Variants in DACH2 observed in about 807,000 individuals in gnomAD.
DACH2 encodes the protein dachshund homolog 2.
A neutral mutation model predicts 35.8 loss-of-function variants in DACH2; 17 were observed. The ratio of observed to expected loss-of-function variants is 0.48; its 90% CI spans 0.33 to 0.71. The LOEUF (loss-of-function observed/expected upper bound fraction) is 0.71. Ranked by LOEUF, DACH2 falls within the 30% of genes least tolerant of loss-of-function variation. DACH2 has a pLI of 0.02. For missense variants in DACH2, 469 were observed against 472.7 expected (o/e 0.99, Z 0.07); for synonymous variants, 195 against 177.3 (o/e 1.10, Z -0.79).
At chrX:86,191,254 A>G (rs1014206421) in intron 1 of DACH2, among the ~76,000 whole-genome samples, 9 of 112,129 alleles carry the variant, frequency 8.0e-5, no homozygotes, top group African/African-American at 2.9e-4. Flanking sequence ...TGGACTGGAT[A>G]AAGAAAATGT....
Position 86,610,754 on chromosome X carries a change from G to T in DACH2, c.641-40282G>T, listed in dbSNP as rs183263715. Among the ~76,000 whole-genome samples the T allele has an allele frequency of 1.5e-3, 168 of 110,378 alleles. 4 individuals carry two copies. In the South Asian group the frequency reaches 0.06, roughly 39 times the overall value. Reference sequence around the variant, plus strand: ...GAGCCACCATGCCTAGTCGCCAAGGGTTCTTAAGTTAGTTTTGGTGAATAA... The same window carrying T: ...GAGCCACCATGCCTAGTCGCCAAGGTTTCTTAAGTTAGTTTTGGTGAATAA... On this transcript the variant is annotated intron_variant, in intron 3 of 11. Coordinates refer to ENST00000373125, the MANE Select transcript of DACH2 (RefSeq NM_053281.3).
chrX:86,209,423 A>G (rs1183404043), intron 1 of DACH2, among the ~76,000 whole-genome samples: 2 of 111,734 alleles, frequency 1.8e-5, no homozygotes, highest in African/African-American at 3.2e-5. Context: ...AGAGCAATGA[A>G]TCAAACTGTA....
chrX:86,411,036 A>ATATATATATATATATATATGTATG (rs768655432), intron 2 of DACH2, among the ~76,000 whole-genome samples: 3 of 79,948 alleles, frequency 3.8e-5, no homozygotes, highest in South Asian at 6.7e-4. Flanking sequence ...ATATATATAT[A>ATATATATATATATATATATGTATG]TATGTATATA....
intron 1 of DACH2, among the ~76,000 whole-genome samples, chrX:86,277,424 G>A (rs2033937735): frequency 9.0e-6 from 1 of 111,325 alleles, no homozygotes; most frequent in South Asian, 3.7e-4. Context: ...AAATAAATGT[G>A]GTTATGTTAT....
chrX:86,459,669 C>G (rs969992723), intron 2 of DACH2, among the ~76,000 whole-genome samples: 1 of 111,296 alleles, frequency 9.0e-6, no homozygotes, highest in Admixed American at 9.6e-5. Context: ...AGGCCTGTAA[C>G]TTTTCAGTTT....
At chrX:86,436,163 C>A (rs768873803) in intron 2 of DACH2, among the ~76,000 whole-genome samples, 8 of 110,420 alleles carry the variant, frequency 7.2e-5, no homozygotes, top group Non-Finnish European at 1.5e-4. Context: ...AGGACTATAC[C>A]ATAAATCCTG....
chrX:86,485,514 G>C (rs2038005977), intron 2 of DACH2, among the ~76,000 whole-genome samples: 1 of 111,173 alleles, frequency 9.0e-6, no homozygotes, highest in African/African-American at 3.3e-5. Flanking sequence ...AAAATACCTA[G>C]ATATTCTCAT....
chrX:86,487,462 G>T (rs748052538), intron 2 of DACH2, among the ~76,000 whole-genome samples: 40 of 111,624 alleles, frequency 3.6e-4, no homozygotes, highest in Non-Finnish European at 6.4e-4. Flanking sequence ...GTGGTGAGGA[G>T]ATCTTGCAGA....
intron 1 of DACH2, among the ~76,000 whole-genome samples, chrX:86,306,779 C>A (rs1210935655): frequency 9.0e-6 from 1 of 111,331 alleles, no homozygotes; most frequent in South Asian, 3.8e-4. Context: ...ACTCAATAAA[C>A]TCATATATAT....
chrX:86,388,142 A>T (rs1203737256), intron 2 of DACH2, among the ~76,000 whole-genome samples: 1 of 112,146 alleles, frequency 8.9e-6, no homozygotes, highest in African/African-American at 3.2e-5. Context: ...AGCACCTGTG[A>T]GCACAGGCTG....
At chrX:86,739,959 G>A (rs2041636922) in intron 7 of DACH2, 77 bp downstream of exon 7, 1 of 990,833 alleles carries the variant, frequency 1.0e-6, no homozygotes, top group Non-Finnish European at 1.3e-6. Flanking sequence ...TAGAGGAGAG[G>A]GAAAAGCTGG....
At chrX:86,814,572 G>A in intron 9 of DACH2, 116 bp from the exon 10 acceptor site, 1 of 765,255 alleles carries the variant, frequency 1.3e-6, no homozygotes, top group Non-Finnish European at 1.8e-6. Flanking sequence ...CATATGTCAA[G>A]TGAAATATTT....
At chrX:86,600,671 G>T (rs2039778368) in intron 3 of DACH2, among the ~76,000 whole-genome samples, 1 of 111,928 alleles carries the variant, frequency 8.9e-6, no homozygotes, top group African/African-American at 3.2e-5. Context: ...AGATCCCTGT[G>T]TATGCACAGC....
At chrX:86,220,580 T>C (rs1287957492) in intron 1 of DACH2, among the ~76,000 whole-genome samples, 1 of 112,365 alleles carries the variant, frequency 8.9e-6, no homozygotes, top group Non-Finnish European at 1.9e-5. Context: ...AATACTCTTC[T>C]ATTGTATGTG....
At chrX:86,461,281 G>T (rs1431272878) in intron 2 of DACH2, among the ~76,000 whole-genome samples, 1 of 111,318 alleles carries the variant, frequency 9.0e-6, no homozygotes, top group Non-Finnish European at 1.9e-5. Flanking sequence ...TATTGATTAA[G>T]AAATCATAAT....
chrX:86,712,101 T>G, intron 5 of DACH2, among the ~76,000 whole-genome samples: 1 of 111,503 alleles, frequency 9.0e-6, no homozygotes, highest in Non-Finnish European at 1.9e-5. Context: ...ACTGAAGCAG[T>G]GTAAACAAAG....
chrX:86,170,798 G>A (rs900085400), intron 1 of DACH2, among the ~76,000 whole-genome samples: 1 of 112,403 alleles, frequency 8.9e-6, no homozygotes, highest in African/African-American at 3.2e-5. Flanking sequence ...GCTTCAGGAG[G>A]TCCTGATGAC....
intron 1 of DACH2, among the ~76,000 whole-genome samples, chrX:86,193,983 C>T (rs1362422614): frequency 1.8e-5 from 2 of 110,137 alleles, no homozygotes; most frequent in African/African-American, 3.3e-5. Flanking sequence ...TAATTATTCA[C>T]GTCAACTCTG....
chrX:86,281,051 AT>A (rs1472074290), intron 1 of DACH2, among the ~76,000 whole-genome samples: 1 of 111,569 alleles, frequency 9.0e-6, no homozygotes, highest in African/African-American at 3.3e-5. Flanking sequence ...ATGAGACAAA[AT>A]TAGCAAGGAT....
Sources: allele counts gnomAD v4.1 joint callset (sites outside exome capture counted in the v4.1 genomes callset), GRCh38; gene constraint gnomAD v4.1.1; transcripts MANE v1.5; gene names NCBI Gene and HGNC (gene_info 2026-07-23, HGNC 2026-07-21).